ICA1: variants seen among roughly 807,000 people sequenced by gnomAD.
ICA1 encodes islet cell autoantigen 1.
ICA1 carries 40 observed loss-of-function variants against 71.0 expected under a neutral mutation model. The ratio of observed to expected loss-of-function variants is 0.56; its 90% CI spans 0.44 to 0.73. The LOEUF (loss-of-function observed/expected upper bound fraction) is 0.73. ICA1 is among the 30% of genes least tolerant of loss of function. The pLI, the probability that ICA1 is intolerant of heterozygous loss-of-function variation, is 0.00. For missense variants in ICA1, 578 were observed against 576.5 expected (o/e 1.00, Z -0.03); for synonymous variants, 207 against 209.5 (o/e 0.99, Z 0.10).
intron 13 of ICA1, among the ~76,000 whole-genome samples, chr7:8,125,925 C>A (rs1288638841): frequency 1.3e-5 from 2 of 152,204 alleles, no homozygotes; most frequent in East Asian, 3.8e-4. Flanking sequence ...TGGTTTGGTG[C>A]CTTTCCCGTG....
At chr7:8,179,790 C>T (rs1473312204) in intron 6 of ICA1, among the ~76,000 whole-genome samples, 1 of 151,814 alleles carries the variant, frequency 6.6e-6, no homozygotes, top group Non-Finnish European at 1.5e-5. Context: ...AAAGAGTTCT[C>T]CGAATATTTA....
At chr7:8,250,933 C>T (rs537883881) in intron 1 of ICA1, among the ~76,000 whole-genome samples, 12 of 151,380 alleles carry the variant, frequency 7.9e-5, no homozygotes, top group African/African-American at 2.7e-4. Context: ...CAGGATCTTG[C>T]TCAGTTGCCC....
intron 1 of ICA1, among the ~76,000 whole-genome samples, chr7:8,252,040 A>C (rs1436533821): frequency 6.6e-6 from 1 of 152,202 alleles, no homozygotes; most frequent in Non-Finnish European, 1.5e-5. Flanking sequence ...ATAAAAATAT[A>C]AAGTGTAAAA....
At position 8,235,966 on chromosome 7, in the gene ICA1, G is replaced by A. The variant is rs1335891694; in HGVS notation, c.-40C>T. 1 of 1,605,046 alleles carries A rather than the reference G, an allele frequency of 6.2e-7. No homozygotes were observed. The highest frequency in any genetic ancestry group is 8.5e-7 in the Non-Finnish European group (1 of 1,175,282). ...CTATTGTTGATGATTTGGGGAGAAG[G>A]GGCAGGAAAAAAGCATGAGAGGATA... On this transcript the variant is annotated 5_prime_UTR_variant, in exon 2 of 14. Transcript: ENST00000402384.
At position 8,132,083 on chromosome 7, in the gene ICA1, T is replaced by C. The variant is rs1562571520; in HGVS notation, c.1061-3941A>G. On this transcript the variant is annotated intron_variant, in intron 12 of 13. Coordinates refer to ENST00000402384, the MANE Select transcript of ICA1 (RefSeq NM_001136020.3). The surrounding 1 kb of genome is among the most constrained non-coding windows in gnomAD (Gnocchi z 4.5). ...CAGGCTCCCAAGTCTCTGTGTTTAC[T>C]TGCTTACCAGATAACCTAACTACAG... Among the ~76,000 whole-genome samples, 1 of 152,360 alleles carries C rather than the reference T, an allele frequency of 6.6e-6. No homozygotes were observed. Among genetic ancestry groups the C allele is most frequent in the East Asian group, 1.9e-4 (1 of 5,190 alleles).
chr7:8,215,486 G>C (rs554451861), intron 6 of ICA1, among the ~76,000 whole-genome samples: 1 of 152,034 alleles, frequency 6.6e-6, no homozygotes, highest in African/African-American at 2.4e-5. Context: ...AGACACTACT[G>C]TTCACCATGC....
chr7:8,182,059 A>C (rs1332943922), intron 6 of ICA1, among the ~76,000 whole-genome samples: 3 of 152,058 alleles, frequency 2.0e-5, no homozygotes, highest in Non-Finnish European at 4.4e-5. Context: ...TGACTATGCC[A>C]TTTCTTCCCT....
chr7:8,149,943 G>C (rs1364867405), intron 8 of ICA1, among the ~76,000 whole-genome samples: 1 of 152,136 alleles, frequency 6.6e-6, no homozygotes, highest in South Asian at 2.1e-4. Context: ...TAGCACATAC[G>C]TACTCTCTTG....
intron 3 of ICA1, 49 bp downstream of exon 3, chr7:8,232,541 G>C (rs1478917963): frequency 1.3e-6 from 2 of 1,534,670 alleles, no homozygotes; most frequent in Middle Eastern, 1.7e-4. Flanking sequence ...CTAGGACCTT[G>C]ATCCTAGCAA....
intron 6 of ICA1, among the ~76,000 whole-genome samples, chr7:8,202,376 C>T (rs542891403): frequency 1.2e-4 from 19 of 152,170 alleles, no homozygotes; most frequent in Non-Finnish European, 2.5e-4. Flanking sequence ...TAGTGTCTTC[C>T]TCTTGGGGAG....
At chr7:8,152,391 T>C (rs965022189) in intron 8 of ICA1, among the ~76,000 whole-genome samples, 2 of 151,984 alleles carry the variant, frequency 1.3e-5, no homozygotes, top group East Asian at 3.8e-4. Flanking sequence ...TCATAGTAAG[T>C]ACATCCCCAT....
At position 8,130,689 on chromosome 7, in the gene ICA1, T is replaced by A. The variant is rs1791121363; in HGVS notation, c.1061-2547A>T. Among the ~76,000 whole-genome samples, 1 of 152,162 alleles carries A rather than the reference T, an allele frequency of 6.6e-6. No homozygotes were observed. ...TCGCTTTATACAGCCCTCCACTAAG[T>A]CAAACCCTCAGGGAGGCTTCACTAC... On this transcript the variant is annotated intron_variant, in intron 12 of 13. Coordinates refer to ENST00000402384, the MANE Select transcript of ICA1 (RefSeq NM_001136020.3). This position sits in a 1 kb window ranked among gnomAD's most constrained non-coding sequence, Gnocchi z 4.2.
intron 6 of ICA1, among the ~76,000 whole-genome samples, chr7:8,205,217 T>A (rs949059635): frequency 6.6e-6 from 1 of 152,108 alleles, no homozygotes; most frequent in Admixed American, 6.6e-5. Context: ...AATCCCTGCC[T>A]TTTCCTGGCA....
Position 8,147,818 on chromosome 7 carries a change from T to C in ICA1, c.805-3846A>G, listed in dbSNP as rs115690286. On this transcript the variant is annotated intron_variant, in intron 8 of 13. Transcript: ENST00000402384. ...ACACAGTAAGTAGGTCCTTGAATAATGTCATTTTGTTATAATGTTGATGAG... is the reference window on the plus strand; with the variant it reads ...ACACAGTAAGTAGGTCCTTGAATAACGTCATTTTGTTATAATGTTGATGAG... Among the ~76,000 whole-genome samples the C allele has an allele frequency of 6.3e-3, 961 of 152,108 alleles. 9 individuals are homozygous for C. Among genetic ancestry groups the C allele is most frequent in the African/African-American group, 0.022 (892 of 41,458 alleles).
At chr7:8,228,444 G>C (rs1450477943) in intron 4 of ICA1, among the ~76,000 whole-genome samples, 157 bp downstream of exon 4, 2 of 152,148 alleles carry the variant, frequency 1.3e-5, no homozygotes, top group African/African-American at 4.8e-5. Context: ...AATAAGCTAT[G>C]TATATTATTG....
rs1796255456 is a variant in ICA1 at position 8,144,564 on chromosome 7, T to TAAA, written c.805-595_805-593dup. 6.6e-6 allele frequency among the ~76,000 whole-genome samples: 1 copy of TAAA among 152,156 alleles called. No homozygotes were observed. Among genetic ancestry groups the TAAA allele is most frequent in the African/African-American group, 2.4e-5 (1 of 41,438 alleles). ...CAGGTGCATCCAAATCTTTGTAGAT[T>TAAA]AAAATGGGTGAGAGTCTTCTTTTGG... On this transcript the variant is annotated intron_variant, in intron 8 of 13. Transcript: ENST00000402384. This position sits in a 1 kb window ranked among gnomAD's most constrained non-coding sequence, Gnocchi z 4.5.
chr7:8,235,765 T>TAG (rs1222028457), intron 2 of ICA1, 145 bp downstream of exon 2: 1 of 722,268 alleles, frequency 1.4e-6, no homozygotes, highest in East Asian at 2.7e-5. Context: ...TTAACAGAGA[T>TAG]ACTGAATTTG....
intron 13 of ICA1, among the ~76,000 whole-genome samples, chr7:8,115,971 A>T (rs1238271058): frequency 6.6e-6 from 1 of 152,248 alleles, no homozygotes; most frequent in African/African-American, 2.4e-5. Context: ...TTTCCAACCA[A>T]ACTTGGGGAC....
intron 13 of ICA1, among the ~76,000 whole-genome samples, chr7:8,120,459 GA>G (rs1265542702): frequency 2.6e-5 from 4 of 152,130 alleles, no homozygotes; most frequent in African/African-American, 4.8e-5. Context: ...CTTCTGTCAG[GA>G]AAAAATGCTA....
Sources: gnomAD v4.1 joint callset for allele counts (sites outside exome capture counted in the v4.1 genomes callset) on GRCh38, gnomAD v4.1.1 for gene constraint, Gnocchi (gnomAD v3.1) non-coding constraint, MANE v1.5 for transcripts, NCBI Gene and HGNC (gene_info 2026-07-23, HGNC 2026-07-21) for gene names.